The following UBE2V1 variants were observed in gnomAD, a reference collection of about 807,000 sequenced individuals.
UBE2V1 encodes the protein ubiquitin-conjugating enzyme E2 variant 1.
In UBE2V1, 15 loss-of-function variants were observed where a neutral mutation model predicts 19.6. That is an observed-to-expected ratio of 0.77 (90% CI 0.51 to 1.18). The LOEUF is 1.18. Ranked by LOEUF, UBE2V1 falls within the 50% of genes most tolerant of loss-of-function variation. The probability of loss-of-function intolerance (pLI) is 0.00; values close to 1 mark genes in which losing one functional copy is unlikely to be tolerated. For synonymous variants in UBE2V1, 60 were observed against 60.7 expected (o/e 0.99, Z 0.05); for missense variants, 125 against 184.8 (o/e 0.68, Z 1.88).
At position 50,088,482 on chromosome 20, in the gene UBE2V1, T is replaced by C. The variant is rs114526050; in HGVS notation, c.172-4228A>G. 1.6e-3 allele frequency among the ~76,000 whole-genome samples: 244 copies of C among 152,244 alleles called. 1 individual carries two copies. Among genetic ancestry groups the C allele is most frequent in the African/African-American group, 5.6e-3 (234 of 41,544 alleles). ...CCTGTAAGTATTAGAAAATAAAATT[T>C]GTTTTAAAAATGTATGAGCTAGGCT... On this transcript the variant is annotated intron_variant, in intron 2 of 3. Coordinates refer to ENST00000371674, the MANE Select transcript of UBE2V1 (RefSeq NM_001032288.3).
chr20:50,105,713 C>T (rs910627255), intron 1 of UBE2V1, among the ~76,000 whole-genome samples: 2 of 152,106 alleles, frequency 1.3e-5, no homozygotes, highest in African/African-American at 2.4e-5. Context: ...CTTTGAGAGG[C>T]CGAGGTGGGA....
Position 50,082,092 on chromosome 20 carries a change from G to T in UBE2V1, c.*676C>A, listed in dbSNP as rs6095755. The T allele has an allele frequency of 3.7e-3, 665 of 177,376 alleles. 4 individuals are homozygous for T. The highest frequency in any genetic ancestry group is 0.014 in the African/African-American group (610 of 42,312). 11.0% of individuals were successfully genotyped at this position (177,376 alleles called of 1,614,324 possible). On this transcript the variant is annotated 3_prime_UTR_variant, in exon 4 of 4. Transcript: ENST00000371674. ...GCAGCACCCCTCGATAAAGGTGGGG[G>T]AGAGAAGATATGGGGAAAGCCCTGA...
At chr20:50,110,457 A>T (rs2080680071) in intron 1 of UBE2V1, among the ~76,000 whole-genome samples, 1 of 152,208 alleles carries the variant, frequency 6.6e-6, no homozygotes. Flanking sequence ...GGCACAGATT[A>T]ATCAAGAGCC....
At chr20:50,111,745 C>T (rs140829041) in intron 1 of UBE2V1, among the ~76,000 whole-genome samples, 24 of 152,170 alleles carry the variant, frequency 1.6e-4, no homozygotes, top group African/African-American at 5.5e-4. Flanking sequence ...CGCAGAGTAG[C>T]AACATTTATA....
rs1311072929 is a variant in UBE2V1 at position 50,096,797 on chromosome 20, G to C, written c.46C>G (p.Arg16Gly). 1 of 1,613,930 alleles carries C rather than the reference G, an allele frequency of 6.2e-7. No homozygotes were observed. Among genetic ancestry groups the C allele is most frequent in the Non-Finnish European group, 8.5e-7 (1 of 1,179,930 alleles). ...CCTTCTTCGAGTTCTTCCAACAGTC[G>C]GAAATTGCGAGGGACTTTTACTCCT... ...GSGVKVPRNFRLLEELEEGQK... is the reference protein window; with the variant it reads ...GSGVKVPRNFGLLEELEEGQK... The change falls in exon 2 of 4, where the codon CGA becomes GGA. Residue 16 changes from arginine to glycine, a missense_variant. Physicochemically the swap from Arg to Gly is moderately radical, Grantham distance 125. Transcript: ENST00000371674.
intron 1 of UBE2V1, chr20:50,098,976 A>G: frequency 1.0e-6 from 1 of 985,468 alleles, no homozygotes; most frequent in Admixed American, 6.1e-5. Flanking sequence ...TGTAGCAAAC[A>G]TAAAACTGAA....
intron 1 of UBE2V1, chr20:50,111,213 G>T: frequency 2.0e-6 from 2 of 977,578 alleles, no homozygotes; most frequent in Non-Finnish European, 2.4e-6. Context: ...TCTAAACCAT[G>T]CCAAGTGCTC....
intron 1 of UBE2V1, among the ~76,000 whole-genome samples, chr20:50,106,566 C>G (rs2080369985): frequency 6.6e-6 from 1 of 152,154 alleles, no homozygotes; most frequent in Non-Finnish European, 1.5e-5. Flanking sequence ...CGTGGTGGCT[C>G]ACACCTGTAA....
chr20:50,114,937 A>G (rs6020271), upstream of UBE2V1: 84,149 of 151,812 alleles, frequency 0.55, 23,891 homozygotes, highest in African/African-American at 0.69. Context: ...GTGGTAGCAC[A>G]CACCTGTAAT....
Position 50,082,149 on chromosome 20 carries a change from G to A in UBE2V1, c.*619C>T, listed in dbSNP as rs1253661334. 6.1e-6 allele frequency: 1 copy of A among 162,668 alleles called. No individual in the cohort carries two copies. The highest frequency in any genetic ancestry group is 2.0e-4 in the South Asian group (1 of 4,942). The allele number at this position is 162,668 out of a possible 1,614,324, so 10.1% of individuals were successfully genotyped here. A position where few individuals can be genotyped will look rare whatever the true frequency, so the allele number is the denominator to read the frequency against. On this transcript the variant is annotated 3_prime_UTR_variant, in exon 4 of 4. Transcript: ENST00000371674. ...CACCGAAGGCCAATCTCAGAGGGGA[G>A]TGGAGGGGTTACAATCTATGCTTCG...
chr20:50,113,919 A>G (rs1225394141), upstream of UBE2V1, among the ~76,000 whole-genome samples: 2 of 152,178 alleles, frequency 1.3e-5, no homozygotes, highest in Non-Finnish European at 2.9e-5. Context: ...AGGGACTTAC[A>G]TTCTAGTCGT....
chr20:50,098,524 T>C (rs2147103644), intron 1 of UBE2V1, among the ~76,000 whole-genome samples: 1 of 152,310 alleles, frequency 6.6e-6, no homozygotes, highest in South Asian at 2.1e-4. Context: ...GGCGTAATTC[T>C]AGGCATTTCA....
intron 2 of UBE2V1, among the ~76,000 whole-genome samples, chr20:50,088,838 C>T (rs979038157): frequency 6.7e-6 from 1 of 148,170 alleles, no homozygotes; most frequent in Non-Finnish European, 1.5e-5. Flanking sequence ...GTATTAATTA[C>T]AAAAATATGC....
intron 1 of UBE2V1, among the ~76,000 whole-genome samples, chr20:50,098,137 C>A (rs1354715535): frequency 6.6e-6 from 1 of 152,110 alleles, no homozygotes; most frequent in Non-Finnish European, 1.5e-5. Flanking sequence ...AGTGTTATTG[C>A]AATCAGGTGT....
Position 50,081,152 on chromosome 20 carries a change from T to C in UBE2V1, c.*1616A>G, listed in dbSNP as rs989456149. 6.6e-6 allele frequency: 1 copy of C among 151,518 alleles called. No homozygotes were observed. Among genetic ancestry groups the C allele is most frequent in the Non-Finnish European group, 1.5e-5 (1 of 67,954 alleles). 9.4% of individuals were successfully genotyped at this position (151,518 alleles called of 1,614,324 possible). A position where few individuals can be genotyped will look rare whatever the true frequency, so the allele number is the denominator to read the frequency against. On this transcript the variant is annotated 3_prime_UTR_variant, in exon 4 of 4. Transcript: ENST00000371674. ...AATATTAACGCACACTTTTTTTTTA[T>C]TATATTAAAATCAGGCAATGGTCTG...
upstream of UBE2V1, among the ~76,000 whole-genome samples, chr20:50,114,286 A>G (rs1190692968): frequency 1.1e-4 from 17 of 152,152 alleles, no homozygotes; most frequent in Admixed American, 1.1e-3. Flanking sequence ...GGAAGCCCTC[A>G]CCCAGCACAT....
intron 1 of UBE2V1, chr20:50,111,503 C>T (rs1482549415): frequency 1.2e-5 from 12 of 1,000,212 alleles, no homozygotes; most frequent in Non-Finnish European, 1.4e-5. Context: ...CTCAGAATCT[C>T]TCTTCTGGGA....
intron 2 of UBE2V1, among the ~76,000 whole-genome samples, chr20:50,094,010 AAATAAT>A (rs1322348656): frequency 3.9e-4 from 37 of 94,716 alleles, no homozygotes; most frequent in South Asian, 9.3e-4. Flanking sequence ...AAAAAAAAAA[AAATAAT>A]AATAATAATA....
chr20:50,106,022 G>C (rs1031201658), intron 1 of UBE2V1, among the ~76,000 whole-genome samples: 8 of 151,978 alleles, frequency 5.3e-5, no homozygotes, highest in Non-Finnish European at 8.8e-5. Flanking sequence ...CTCTATAATA[G>C]CTAGGAAGTA....
Sources: allele counts gnomAD v4.1 joint callset (sites outside exome capture counted in the v4.1 genomes callset), GRCh38; gene constraint gnomAD v4.1.1; transcripts MANE v1.5; gene names NCBI Gene and HGNC (gene_info 2026-07-23, HGNC 2026-07-21).